The following NAF1 variants were observed in gnomAD, a reference collection of about 807,000 sequenced individuals.
NAF1 encodes the protein nuclear assembly factor 1 ribonucleoprotein, also known as H/ACA ribonucleoprotein complex non-core subunit NAF1.
A neutral mutation model predicts 40.6 loss-of-function variants in NAF1; 11 were observed. The ratio of observed to expected loss-of-function variants is 0.27; its 90% CI spans 0.17 to 0.45. The LOEUF is 0.45. Ranked by LOEUF, NAF1 falls within the 20% of genes least tolerant of loss-of-function variation. The probability of loss-of-function intolerance (pLI) is 1.00; values close to 1 mark genes in which losing one functional copy is unlikely to be tolerated. For synonymous variants in NAF1, 260 were observed against 228.5 expected, an observed-to-expected ratio of 1.14 and a Z score of -1.24; for missense variants, 607 against 611.1, an observed-to-expected ratio of 0.99 and a Z score of 0.07.
At chr4:163,134,808 A>G (rs1730993604) in intron 6 of NAF1, among the ~76,000 whole-genome samples, 1 of 152,214 alleles carries the variant, frequency 6.6e-6, no homozygotes, top group African/African-American at 2.4e-5. Context: ...GCTGCTTCTT[A>G]CATGGCAAAA....
At chr4:163,136,926 A>C (rs1277570217) in intron 6 of NAF1, among the ~76,000 whole-genome samples, 2 of 152,238 alleles carry the variant, frequency 1.3e-5, no homozygotes, top group Non-Finnish European at 2.9e-5. Flanking sequence ...CAAAAATAGT[A>C]AACTACAATG....
At chr4:163,160,954 C>T (rs1242077599) in intron 2 of NAF1, among the ~76,000 whole-genome samples, 1 of 150,036 alleles carries the variant, frequency 6.7e-6, no homozygotes, top group Middle Eastern at 3.2e-3. Context: ...ATGGCACATA[C>T]CACACAAGCT....
At chr4:163,151,429 G>T (rs1285518337) in intron 2 of NAF1, among the ~76,000 whole-genome samples, 1 of 151,552 alleles carries the variant, frequency 6.6e-6, no homozygotes, top group Non-Finnish European at 1.5e-5. Flanking sequence ...TAAAAGTGCA[G>T]CAGTGATTGG....
At chr4:163,153,421 A>C (rs1731821941) in intron 2 of NAF1, among the ~76,000 whole-genome samples, 1 of 151,940 alleles carries the variant, frequency 6.6e-6, no homozygotes, top group African/African-American at 2.4e-5. Context: ...ACCAATCGAC[A>C]CTCTGTATCT....
intron 3 of NAF1, among the ~76,000 whole-genome samples, chr4:163,146,638 G>C (rs1362040739): frequency 6.6e-6 from 1 of 152,156 alleles, no homozygotes; most frequent in East Asian, 1.9e-4. Flanking sequence ...AATTTCTTTT[G>C]TATCTCAATT....
intron 2 of NAF1, among the ~76,000 whole-genome samples, chr4:163,150,711 A>C (rs1465012398): frequency 1.3e-5 from 2 of 152,014 alleles, no homozygotes; most frequent in African/African-American, 4.8e-5. Context: ...CCCTTTCAAA[A>C]CTTTTGCCAC....
chr4:163,108,065 T>C (rs1730077527), downstream of NAF1, among the ~76,000 whole-genome samples: 2 of 152,208 alleles, frequency 1.3e-5, no homozygotes, highest in Non-Finnish European at 2.9e-5. Context: ...GTGTGGAAAT[T>C]AAGAAAATTT....
intron 4 of NAF1, 112 bp downstream of exon 4, chr4:163,145,670 T>C (rs1418410411): frequency 2.9e-6 from 2 of 699,920 alleles, no homozygotes; most frequent in East Asian, 2.9e-5. Context: ...TAGAGAGCTC[T>C]AGATTGTCCA....
intron 4 of NAF1, among the ~76,000 whole-genome samples, chr4:163,143,422 G>A (rs1366997153): frequency 6.6e-6 from 1 of 152,158 alleles, no homozygotes; most frequent in Non-Finnish European, 1.5e-5. Context: ...TGTTCTGTGT[G>A]CACCATGGCA....
chr4:163,114,609 G>C (rs192492784), intron 2 of NAF1, among the ~76,000 whole-genome samples: 2 of 152,194 alleles, frequency 1.3e-5, no homozygotes, highest in East Asian at 3.9e-4. Context: ...TATATTTGCT[G>C]TTTCCATGTT....
intron 7 of NAF1, among the ~76,000 whole-genome samples, chr4:163,132,585 G>A (rs1419690050): frequency 6.6e-6 from 1 of 152,196 alleles, no homozygotes; most frequent in Non-Finnish European, 1.5e-5. Context: ...AGGTAAGGAC[G>A]TGGCTGTGAC....
chr4:163,116,617 G>A (rs1433808194), intron 2 of NAF1, among the ~76,000 whole-genome samples: 1 of 152,004 alleles, frequency 6.6e-6, no homozygotes, highest in Non-Finnish European at 1.5e-5. Context: ...CTACAATAGT[G>A]GCTACAAGCT....
chr4:163,141,005 T>C (rs1731238916), intron 4 of NAF1, among the ~76,000 whole-genome samples: 1 of 152,232 alleles, frequency 6.6e-6, no homozygotes, highest in South Asian at 2.1e-4. Flanking sequence ...GAAAACGTTT[T>C]AAGAATAATG....
intron 2 of NAF1, among the ~76,000 whole-genome samples, chr4:163,113,083 A>G (rs1218864619): frequency 6.6e-6 from 1 of 152,218 alleles, no homozygotes; most frequent in Non-Finnish European, 1.5e-5. Context: ...GATTATTTAG[A>G]GACTTGTCAG....
chr4:163,110,672 GAA>G (rs1730133223), intron 2 of NAF1, among the ~76,000 whole-genome samples: 2 of 152,152 alleles, frequency 1.3e-5, no homozygotes, highest in African/African-American at 4.8e-5. Flanking sequence ...CATTTCCACT[GAA>G]AGAGGACAGG....
chr4:163,137,223 C>A lies in NAF1; in HGVS notation c.906G>T (p.Lys302Asn). The A allele has an allele frequency of 6.2e-7, 1 of 1,611,106 alleles. No individual in the cohort carries two copies. The highest frequency in any genetic ancestry group is 8.5e-7 in the Non-Finnish European group (1 of 1,177,922). ...CCTCTGGTGGTGGTTCCTGATCATT[C>A]TTCCATGATGCATCTGATCCCTTAT... Reference protein sequence around the residue: ...KQDKGSDASWKNDQEPPPEAL... With the variant: ...KQDKGSDASWNNDQEPPPEAL... Residue 302 changes from lysine to asparagine, a missense_variant, in exon 6 of 8, where the codon AAG becomes AAT. Physicochemically the swap from Lys to Asn is moderately conservative, Grantham distance 94 (BLOSUM62 0). Coordinates refer to ENST00000274054, the MANE Select transcript of NAF1 (RefSeq NM_138386.3).
chr4:163,158,278 C>CA (rs1732073803), intron 2 of NAF1: 1 of 152,030 alleles, frequency 6.6e-6, no homozygotes, highest in South Asian at 2.1e-4. Flanking sequence ...AAGTAGGATC[C>CA]AATCCCTGGA....
chr4:163,147,046 G>A (rs1731499420), intron 3 of NAF1, among the ~76,000 whole-genome samples: 2 of 150,998 alleles, frequency 1.3e-5, no homozygotes, highest in East Asian at 3.9e-4. Context: ...GAAATTAGTT[G>A]CCTGTTTGAT....
chr4:163,119,938 C>A (rs1033299251), intron 2 of NAF1: 3 of 152,188 alleles, frequency 2.0e-5, no homozygotes, highest in African/African-American at 7.2e-5. Flanking sequence ...TCTGAACTTA[C>A]GTTGTTGCCA....
Sources: allele counts gnomAD v4.1 joint callset (sites outside exome capture counted in the v4.1 genomes callset), GRCh38; gene constraint gnomAD v4.1.1; transcripts MANE v1.5; gene names NCBI Gene and HGNC (gene_info 2026-07-23, HGNC 2026-07-21).